LAMA3: variants seen among roughly 807,000 people sequenced by gnomAD.
LAMA3 encodes laminin subunit alpha 3.
LAMA3 carries 281 observed loss-of-function variants against 402.0 expected under a neutral mutation model. The ratio of observed to expected loss-of-function variants is 0.70; its 90% confidence interval spans 0.63 to 0.77. The LOEUF is 0.77. Ranked by LOEUF, LAMA3 falls within the 30% of genes least tolerant of loss-of-function variation. The probability of loss-of-function intolerance (pLI) is 0.00; values close to 1 mark genes in which losing one functional copy is unlikely to be tolerated. For synonymous variants in LAMA3, 1,431 were observed against 1,558.4 expected (o/e 0.92, Z 1.93); for missense variants, 3,840 against 4,215.5 (o/e 0.91, Z 2.47).
At chr18:23,801,282 A>G (rs2062861024) in intron 12 of LAMA3, among the ~76,000 whole-genome samples, 1 of 152,166 alleles carries the variant, frequency 6.6e-6, no homozygotes, top group African/African-American at 2.4e-5. Context: ...ACTGGAGGAC[A>G]CTGGGGACTT....
intron 30 of LAMA3, 89 bp from the exon 31 acceptor site, chr18:23,846,208 C>A: frequency 8.1e-7 from 1 of 1,238,050 alleles, no homozygotes; most frequent in Non-Finnish European, 1.2e-6. Context: ...ACAGATGCTG[C>A]TGGGTGGAGC....
Position 23,950,164 on chromosome 18 carries a change from G to T in LAMA3, c.9642+5G>T. On this transcript the variant is annotated splice_donor_5th_base_variant and intron_variant, in intron 72 of 74. Transcript: ENST00000313654. ...GTTTACCTGGAGGCAGGAAAGGTGTGTAGCAGTCTGATGCCATGGGGAGGG... is the reference window on the plus strand; with the variant it reads ...GTTTACCTGGAGGCAGGAAAGGTGTTTAGCAGTCTGATGCCATGGGGAGGG... 1 of 1,613,996 alleles carries T rather than the reference G, an allele frequency of 6.2e-7. No individual in the cohort carries two copies. The highest frequency in any genetic ancestry group is 8.5e-7 in the Non-Finnish European group (1 of 1,179,984).
Position 23,847,656 on chromosome 18 carries a change from G to A in LAMA3, c.4124G>A (p.Ser1375Asn). 1 of 1,613,564 alleles carries A rather than the reference G, an allele frequency of 6.2e-7. No individual in the cohort carries two copies. Among genetic ancestry groups the A allele is most frequent in the South Asian group, 1.1e-5 (1 of 90,986 alleles). ...EAAMPECDRD[S>N]GQCRCKPRIT... ...GCCATGCCGGAGTGTGACCGGGACA[G>A]CGGGCAGTGCAGGTGAGCTGGGGGA... The change falls in exon 32 of 75, where the codon AGC becomes AAC. Residue 1375 changes from serine to asparagine, a missense_variant. Ser to Asn is a conservative substitution (Grantham distance 46). This residue lies in a region of LAMA3 where 2,109 missense variants were observed against 2,376.0 expected (regional missense o/e 0.89). Transcript: ENST00000313654.
rs116368771 is a variant in LAMA3 at position 23,815,141 on chromosome 18, G to A, written c.1889-47G>A. 321 of 1,558,308 alleles carry A rather than the reference G, an allele frequency of 2.1e-4. 2 individuals are homozygous for A. The African/African-American group carries it at 4.0e-3, about 19-fold the overall frequency. Reference sequence around the variant, plus strand: ...TGTAATGTTCCCAGAGCCAGGAACTGTCTTTTGTGTCTCCCTTAGTTCAAG... The same window carrying A: ...TGTAATGTTCCCAGAGCCAGGAACTATCTTTTGTGTCTCCCTTAGTTCAAG... On this transcript the variant is annotated intron_variant, in intron 15 of 74. Coordinates refer to ENST00000313654, the MANE Select transcript of LAMA3 (RefSeq NM_198129.4).
In LAMA3 at chr18:23,689,543, C is replaced by G; in HGVS notation, c.-141C>G. The G allele has an allele frequency of 1.2e-6, 1 of 801,004 alleles. No homozygotes were observed. The highest frequency in any genetic ancestry group is 1.7e-6 in the Non-Finnish European group (1 of 600,438). 49.6% of individuals were successfully genotyped at this position (801,004 alleles called of 1,614,324 possible). Reference sequence around the variant, plus strand: ...CGCCGCGGGCTTCCAGCGCGTGGAGCAAGGGGAGCGGCCCCGGCGCCGCCC... The same window carrying G: ...CGCCGCGGGCTTCCAGCGCGTGGAGGAAGGGGAGCGGCCCCGGCGCCGCCC... On this transcript the variant is annotated 5_prime_UTR_variant, in exon 1 of 75. Coordinates refer to ENST00000313654, the MANE Select transcript of LAMA3 (RefSeq NM_198129.4).
At chr18:23,851,275 C>A (rs916824538) in intron 32 of LAMA3, among the ~76,000 whole-genome samples, 3 of 152,198 alleles carry the variant, frequency 2.0e-5, no homozygotes, top group African/African-American at 7.2e-5. Context: ...ACCTGCACGA[C>A]CTCTGTCGTC....
Position 23,726,762 on chromosome 18 carries a change from T to A in LAMA3, c.447+12690T>A, listed in dbSNP as rs2061307610. 2.0e-5 allele frequency among the ~76,000 whole-genome samples: 3 copies of A among 151,866 alleles called. No homozygotes were observed. The South Asian group carries it at 6.2e-4, about 32-fold the overall frequency. On this transcript the variant is annotated intron_variant, in intron 2 of 74. Transcript: ENST00000313654. The stretch of plus-strand genomic sequence containing the variant: ...CCTCTCCAGTAGCGGGGATTACAGG[T>A]GTCCGCCACTGCGCCTGGCTAATTT...
intron 7 of LAMA3, among the ~76,000 whole-genome samples, chr18:23,761,294 G>T (rs956662264): frequency 1.8e-4 from 28 of 152,102 alleles, no homozygotes; most frequent in African/African-American, 6.3e-4. Flanking sequence ...TGGTGTCATA[G>T]AACTTAAAGT....
At chr18:23,695,241 T>C (rs757689943) in intron 1 of LAMA3, among the ~76,000 whole-genome samples, 1 of 152,338 alleles carries the variant, frequency 6.6e-6, no homozygotes, top group Non-Finnish European at 1.5e-5. Context: ...GAAATTTCAG[T>C]TGTTCTAAGC....
intron 9 of LAMA3, 64 bp from the exon 10 acceptor site, chr18:23,775,728 G>C: frequency 6.3e-7 from 1 of 1,590,728 alleles, no homozygotes; most frequent in African/African-American, 1.3e-5. Context: ...GGAAGTGTTG[G>C]AACATATTTG....
intron 17 of LAMA3, among the ~76,000 whole-genome samples, 180 bp downstream of exon 17, chr18:23,815,753 G>A (rs1156373891): frequency 6.6e-6 from 1 of 152,094 alleles, no homozygotes; most frequent in African/African-American, 2.4e-5. Context: ...ATTGCAAGTG[G>A]GGCTGTTTCT....
chr18:23,771,237 C>A (rs554965770), intron 8 of LAMA3, among the ~76,000 whole-genome samples: 1 of 152,298 alleles, frequency 6.6e-6, no homozygotes, highest in Non-Finnish European at 1.5e-5. Context: ...GAGGAAGAAA[C>A]TACTGATGGA....
chr18:23,894,188 C>T, intron 42 of LAMA3, 110 bp from the exon 43 acceptor site: 1 of 848,822 alleles, frequency 1.2e-6, no homozygotes, highest in South Asian at 1.4e-5. Context: ...ATTACTTTTG[C>T]ACCAAACTAA....
chr18:23,774,813 A>T (rs1162733617), intron 9 of LAMA3, among the ~76,000 whole-genome samples: 3 of 150,326 alleles, frequency 2.0e-5, no homozygotes, highest in African/African-American at 5.0e-5. Context: ...CTTAGTTGTT[A>T]AAAAAAATGT....
chr18:23,940,831 C>A (rs987076049), intron 68 of LAMA3, among the ~76,000 whole-genome samples: 4 of 32,250 alleles, frequency 1.2e-4, no homozygotes, highest in Non-Finnish European at 2.3e-4. Flanking sequence ...GAGATTGTCC[C>A]TCCAGTTGTC....
chr18:23,759,543 C>G (rs1383725954), intron 7 of LAMA3, among the ~76,000 whole-genome samples: 1 of 152,064 alleles, frequency 6.6e-6, no homozygotes, highest in African/African-American at 2.4e-5. Context: ...TTACAGACAC[C>G]TGCCACCATA....
At chr18:23,913,309 T>C (rs941747552) in intron 56 of LAMA3, among the ~76,000 whole-genome samples, 1 of 152,136 alleles carries the variant, frequency 6.6e-6, no homozygotes, top group African/African-American at 2.4e-5. Context: ...CTCAGATCCT[T>C]CCTCAAGCCT....
chr18:23,877,813 T>C (rs763854749), intron 39 of LAMA3, among the ~76,000 whole-genome samples: 96 of 152,318 alleles, frequency 6.3e-4, no homozygotes, highest in Non-Finnish European at 9.9e-4. Flanking sequence ...GATGCTTTAA[T>C]TAAGAATAAA....
chr18:23,928,308 G>T, intron 63 of LAMA3, 68 bp downstream of exon 63: 1 of 1,013,212 alleles, frequency 9.9e-7, no homozygotes, highest in South Asian at 1.3e-5. Flanking sequence ...ATCCATTAAC[G>T]CAGCAACTTT....
Sources: gnomAD v4.1 joint callset for allele counts (sites outside exome capture counted in the v4.1 genomes callset) on GRCh38, gnomAD v4.1.1 for gene constraint, gnomAD v4.1.1 regional missense constraint, MANE v1.5 for transcripts, NCBI Gene and HGNC (gene_info 2026-07-23, HGNC 2026-07-21) for gene names.